Variants in ACOT1 observed in about 807,000 individuals in gnomAD.
ACOT1 encodes the protein acyl-CoA thioesterase 1.
In ACOT1, 8 loss-of-function variants were observed where a neutral mutation model predicts 15.7. The observed-to-expected ratio is 0.51, with a 90% CI of 0.30 to 0.92. The LOEUF is 0.92. Among genes scored for constraint, ACOT1 ranks in the 40% least tolerant of loss-of-function variants. The pLI is 0.06. For missense variants in ACOT1, 151 were observed against 539.4 expected (o/e 0.28, Z 7.13); for synonymous variants, 67 against 241.2 (o/e 0.28, Z 6.69).
At chr14:73,501,324 A>C in the ACOT1 span, among the ~76,000 whole-genome samples, 2 of 151,846 alleles carry the variant, frequency 1.3e-5, no homozygotes, top group Non-Finnish European at 2.9e-5. Flanking sequence ...ATGGGGTTTC[A>C]CTATGTTAGC....
At chr14:73,496,465 G>T in the ACOT1 span, 1 of 603,522 alleles carries the variant, frequency 1.7e-6, no homozygotes. Flanking sequence ...CAAATGATGT[G>T]GCATCTGTGT....
the ACOT1 span, among the ~76,000 whole-genome samples, chr14:73,506,810 T>C: frequency 7.5e-6 from 1 of 133,038 alleles, no homozygotes; most frequent in Non-Finnish European, 1.6e-5. Context: ...AACTGTTTTT[T>C]TTTTTTTTTT....
At chr14:73,541,809 A>G (rs1216487213) in intron 2 of ACOT1, 114 bp downstream of exon 2, 1 of 702,410 alleles carries the variant, frequency 1.4e-6, no homozygotes, top group African/African-American at 1.9e-5. Flanking sequence ...CCCAACACAC[A>G]CTACCTTTTT....
the ACOT1 span, chr14:73,491,654 A>G: frequency 6.5e-7 from 1 of 1,549,488 alleles, no homozygotes. Context: ...CATCGCGCCC[A>G]TGCCGCCAGA....
the ACOT1 span, chr14:73,498,216 C>T: frequency 3.1e-6 from 5 of 1,614,004 alleles, no homozygotes; most frequent in Non-Finnish European, 4.2e-6. Context: ...CTGACCCGGT[C>T]CCCTTGAAGT....
At chr14:73,491,080 G>A in the ACOT1 span, 2 of 1,598,214 alleles carry the variant, frequency 1.3e-6, no homozygotes, top group South Asian at 1.1e-5. Flanking sequence ...GCCGGCGCAA[G>A]CCCCAGCCAC....
the ACOT1 span, chr14:73,491,102 G>T: frequency 6.2e-7 from 1 of 1,606,080 alleles, no homozygotes; most frequent in Non-Finnish European, 8.5e-7. Context: ...CAGCGGGTCG[G>T]TCCTGGCCCT....
upstream of ACOT1, among the ~76,000 whole-genome samples, chr14:73,535,651 GT>G (rs1225297209): frequency 8.3e-5 from 9 of 108,614 alleles, 1 homozygote; most frequent in African/African-American, 1.8e-4. Context: ...TGTATTTTTG[GT>G]TTTTTTTTAG....
chr14:73,526,221 C>T, the ACOT1 span, among the ~76,000 whole-genome samples: 1 of 152,220 alleles, frequency 6.6e-6, no homozygotes, highest in Non-Finnish European at 1.5e-5. Flanking sequence ...ATTCTGCTGG[C>T]ACCCACAGAG....
the ACOT1 span, chr14:73,513,964 A>C: frequency 1.3e-6 from 2 of 1,493,738 alleles, no homozygotes; most frequent in Non-Finnish European, 1.9e-6. Context: ...AAGACTGAGA[A>C]AGCCTAGTCC....
At chr14:73,514,503 A>C in the ACOT1 span, among the ~76,000 whole-genome samples, 4 of 152,296 alleles carry the variant, frequency 2.6e-5, no homozygotes, top group Admixed American at 2.6e-4. Flanking sequence ...CCTTTCTATA[A>C]GTTTAAAGGT....
At chr14:73,516,710 G>T in the ACOT1 span, among the ~76,000 whole-genome samples, 1 of 152,168 alleles carries the variant, frequency 6.6e-6, no homozygotes, top group Non-Finnish European at 1.5e-5. Flanking sequence ...GGATGTGAGT[G>T]GTGGGTGGGC....
chr14:73,518,850 G>A, the ACOT1 span, among the ~76,000 whole-genome samples: 1 of 152,156 alleles, frequency 6.6e-6, no homozygotes, highest in Non-Finnish European at 1.5e-5. Context: ...GTTATAGTTA[G>A]TATTTTATAA....
At chr14:73,515,671 C>CA in the ACOT1 span, among the ~76,000 whole-genome samples, 329 of 33,510 alleles carry the variant, frequency 9.8e-3, 31 homozygotes, top group African/African-American at 0.02. Flanking sequence ...GACTCCATCT[C>CA]AAAAAAAAAA....
the ACOT1 span, chr14:73,491,389 C>G: frequency 3.0e-6 from 4 of 1,349,584 alleles, no homozygotes; most frequent in Non-Finnish European, 2.8e-6. Flanking sequence ...GCCTGGTGCC[C>G]GCTTCCGCGC....
rs1302646572 is a variant in ACOT1, at chr14:73,542,685, C to T, written c.661-365C>T. Among the ~76,000 whole-genome samples, 2 of 111,802 alleles carry T rather than the reference C, an allele frequency of 1.8e-5. 1 individual carries two copies. Among genetic ancestry groups the T allele is most frequent in the Non-Finnish European group, 3.8e-5 (2 of 52,384 alleles). The allele number at this position is 111,802 out of a possible 152,430, so 73.3% of individuals were successfully genotyped here. A position where few individuals can be genotyped will look rare whatever the true frequency, so the allele number is the denominator to read the frequency against. On this transcript the variant is annotated intron_variant, in intron 2 of 2. Transcript: ENST00000311148. ...CCTCCCAAACTGTTGGGATTACAGG[C>T]GTCAGCCACCACGCCCGGCCATGAG...
Position 73,537,877 on chromosome 14 carries a change from A to T in ACOT1, c.456A>T (p.Pro152=). ...GRVRGTLFLP[P]EPGPFPGIVD... ...TGCGAGGCACGCTCTTCCTGCCGCC[A>T]GGTGACTCACCTCCGCTAATTGTTC... Residue 152 remains proline, a splice_region_variant and synonymous_variant, in exon 1 of 3, where the codon CCA becomes CCT. Coordinates refer to ENST00000311148, the MANE Select transcript of ACOT1 (RefSeq NM_001037161.2). 1 of 1,194,426 alleles carries T rather than the reference A, an allele frequency of 8.4e-7. No individual in the cohort carries two copies. Among genetic ancestry groups the T allele is most frequent in the Non-Finnish European group, 1.1e-6 (1 of 917,310 alleles). The allele number at this position is 1,194,426 out of a possible 1,614,324, so 74.0% of individuals were successfully genotyped here. A position where few individuals can be genotyped will look rare whatever the true frequency, so the allele number is the denominator to read the frequency against.
the ACOT1 span, among the ~76,000 whole-genome samples, chr14:73,524,310 A>AATATATATATAT: frequency 1.0e-3 from 56 of 54,754 alleles, 1 homozygote; most frequent in African/African-American, 3.2e-3. Context: ...AAAAAAAAAA[A>AATATATATATAT]ATATATATAT....
At chr14:73,509,492 G>GGTAAGAGA in the ACOT1 span, 1 of 1,612,902 alleles carries the variant, frequency 6.2e-7, no homozygotes, top group Non-Finnish European at 8.5e-7. Flanking sequence ...AAAAGAGCCA[G>GGTAAGAGA]GTAAGAGAGT....
Sources: allele counts gnomAD v4.1 joint callset (sites outside exome capture counted in the v4.1 genomes callset), GRCh38; gene constraint gnomAD v4.1.1; transcripts MANE v1.5; gene names NCBI Gene and HGNC (gene_info 2026-07-23, HGNC 2026-07-21).